The following PFDN1 variants were observed in gnomAD, a reference collection of about 807,000 sequenced individuals.
The protein encoded by PFDN1 is prefoldin subunit 1, also known as prefoldin 1.
In PFDN1, 6 loss-of-function variants were observed where a neutral mutation model predicts 17.3. That is an observed-to-expected ratio of 0.35 (90% confidence interval 0.19 to 0.69). The LOEUF (loss-of-function observed/expected upper bound fraction) is 0.69, where lower values mean the gene tolerates loss of function less well. Among genes scored for constraint, PFDN1 ranks in the 30% least tolerant of loss-of-function variants. The probability of loss-of-function intolerance (pLI) is 0.65; values close to 1 mark genes in which losing one functional copy is unlikely to be tolerated. For synonymous variants in PFDN1, 58 were observed against 50.1 expected (o/e 1.16, Z -0.67); for missense variants, 113 against 146.2 (o/e 0.77, Z 1.17).
chr5:140,267,669 T>G (rs1765152829), intron 3 of PFDN1, among the ~76,000 whole-genome samples: 1 of 152,186 alleles, frequency 6.6e-6, no homozygotes, highest in South Asian at 2.1e-4. Flanking sequence ...TATTTGTTAT[T>G]TTTAGCAATT....
chr5:140,295,003 A>T (rs1457355467), intron 2 of PFDN1, among the ~76,000 whole-genome samples: 1 of 152,040 alleles, frequency 6.6e-6, no homozygotes, highest in African/African-American at 2.4e-5. Flanking sequence ...AGTTAGGTTC[A>T]AGTTTTAAAA....
intron 1 of PFDN1, among the ~76,000 whole-genome samples, 155 bp downstream of exon 1, chr5:140,302,886 G>T (rs77999342): frequency 6.6e-5 from 10 of 152,210 alleles, no homozygotes; most frequent in Non-Finnish European, 1.3e-4. Context: ...CCCGTTTATG[G>T]AGACCCAGTG....
intron 3 of PFDN1, among the ~76,000 whole-genome samples, chr5:140,253,092 G>T (rs930255984): frequency 6.6e-6 from 1 of 152,210 alleles, no homozygotes; most frequent in East Asian, 1.9e-4. Context: ...CATGGAGCAG[G>T]AGAATAAAGA....
At chr5:140,272,059 G>A (rs1459284998) in intron 3 of PFDN1, among the ~76,000 whole-genome samples, 1 of 151,446 alleles carries the variant, frequency 6.6e-6, no homozygotes, top group Non-Finnish European at 1.5e-5. Context: ...TCACTGTGAC[G>A]CCCAGGCCGG....
intron 3 of PFDN1, among the ~76,000 whole-genome samples, chr5:140,280,017 AAAAAG>A (rs1463540470): frequency 2.7e-5 from 4 of 145,626 alleles, no homozygotes; most frequent in East Asian, 3.9e-4. Context: ...AAAAAAACAA[AAAAAG>A]AAAAGAAAAG....
At chr5:140,280,998 T>G (rs1188913242) in intron 3 of PFDN1, 2 of 153,992 alleles carry the variant, frequency 1.3e-5, no homozygotes, top group African/African-American at 4.8e-5. Context: ...TGTCCTTATA[T>G]AGAACCTAAT....
intron 3 of PFDN1, among the ~76,000 whole-genome samples, chr5:140,278,587 A>AAAAAAAAAAAAAAAAAAAAC: frequency 7.6e-6 from 1 of 131,784 alleles, no homozygotes; most frequent in Non-Finnish European, 1.6e-5. Flanking sequence ...AAAAAAAAAA[A>AAAAAAAAAAAAAAAAAAAAC]CAAAAAACAA....
chr5:140,248,821 G>T (rs996465088), intron 3 of PFDN1, among the ~76,000 whole-genome samples: 11 of 152,160 alleles, frequency 7.2e-5, no homozygotes, highest in Non-Finnish European at 1.3e-4. Context: ...TCCAAACAAT[G>T]ATGCAAATTA....
intron 3 of PFDN1, among the ~76,000 whole-genome samples, chr5:140,248,802 C>G (rs539597734): frequency 6.6e-6 from 1 of 152,176 alleles, no homozygotes; most frequent in African/African-American, 2.4e-5. Context: ...ATCCTAAAGT[C>G]TTCAGGTTTC....
At chr5:140,248,568 T>C (rs1764865650) in intron 3 of PFDN1, among the ~76,000 whole-genome samples, 1 of 152,196 alleles carries the variant, frequency 6.6e-6, no homozygotes, top group Admixed American at 6.5e-5. Flanking sequence ...CTTCTCCTCC[T>C]ACAAAAGTCC....
Position 140,245,367 on chromosome 5 carries a change from A to C in PFDN1, c.*607T>G, listed in dbSNP as rs1764813970. 3.0e-6 allele frequency: 2 copies of C among 677,504 alleles called. No individual in the cohort carries two copies. The highest frequency in any genetic ancestry group is 2.5e-4 in the Middle Eastern group (1 of 3,934). 42.0% of individuals were successfully genotyped at this position (677,504 alleles called of 1,614,324 possible). ...GGAGAAGGCAGGGAAAGGAATCTTT[A>C]GGCAGACTGCCATCCAGGGACTGCT... On this transcript the variant is annotated 3_prime_UTR_variant, in exon 4 of 4. Coordinates refer to ENST00000261813, the MANE Select transcript of PFDN1 (RefSeq NM_002622.5).
intron 3 of PFDN1, among the ~76,000 whole-genome samples, chr5:140,277,600 T>C (rs957321906): frequency 6.6e-6 from 1 of 151,918 alleles, no homozygotes; most frequent in African/African-American, 2.4e-5. Context: ...CGTGGTAGCA[T>C]GCCTGTGGTC....
intron 3 of PFDN1, among the ~76,000 whole-genome samples, chr5:140,259,937 C>T (rs760854874): frequency 6.6e-6 from 1 of 152,124 alleles, no homozygotes; most frequent in African/African-American, 2.4e-5. Flanking sequence ...TCAAAGAAGA[C>T]GTATTATTGG....
intron 3 of PFDN1, among the ~76,000 whole-genome samples, chr5:140,247,871 A>G (rs575470287): frequency 6.6e-6 from 1 of 151,658 alleles, no homozygotes; most frequent in African/African-American, 2.4e-5. Context: ...CGGAGGCTGC[A>G]GTGAGCCAAG....
At position 140,290,651 on chromosome 5, in the gene PFDN1, C is replaced by T. The variant is rs1010054591; in HGVS notation, c.201-9118G>A. On this transcript the variant is annotated intron_variant, in intron 2 of 3. Coordinates refer to ENST00000261813, the MANE Select transcript of PFDN1 (RefSeq NM_002622.5). Reference sequence around the variant, plus strand: ...AATCACATTAGCAGCAGCCTGGAGCCAGGATTAAGGAAGGAGAGGATTCAG... The same window carrying T: ...AATCACATTAGCAGCAGCCTGGAGCTAGGATTAAGGAAGGAGAGGATTCAG... Among the ~76,000 whole-genome samples the T allele has an allele frequency of 2.0e-5, 3 of 152,078 alleles. No individual in the cohort carries two copies. In the East Asian group the frequency reaches 5.8e-4, roughly 29 times the overall value.
chr5:140,263,759 T>C (rs575207291), intron 3 of PFDN1, among the ~76,000 whole-genome samples: 2 of 152,084 alleles, frequency 1.3e-5, no homozygotes, highest in East Asian at 3.9e-4. Flanking sequence ...TGGTGGCTCA[T>C]GCCTGTAATC....
At chr5:140,275,424 A>AT (rs1765275904) in intron 3 of PFDN1, among the ~76,000 whole-genome samples, 1 of 150,698 alleles carries the variant, frequency 6.6e-6, no homozygotes, top group South Asian at 2.1e-4. Context: ...AAAAAAAAAA[A>AT]GACAGTGCTT....
Position 140,300,453 on chromosome 5 carries a change from C to G in PFDN1, c.163G>C (p.Val55Leu). The G allele has an allele frequency of 6.2e-7, 1 of 1,611,272 alleles. No individual in the cohort carries two copies. The highest frequency in any genetic ancestry group is 8.5e-7 in the Non-Finnish European group (1 of 1,177,686). The change falls in exon 2 of 4, where the codon GTA becomes CTA. Residue 55 changes from valine (V) to leucine (L), a missense_variant. Coordinates refer to ENST00000261813, the MANE Select transcript of PFDN1 (RefSeq NM_002622.5). ...HLTDTEIMTLVDETNMYEGVG... is the reference protein window; with the variant it reads ...HLTDTEIMTLLDETNMYEGVG... ...CCTTCATACATGTTAGTCTCATCTA[C>G]CAAAGTCATGATCTCTGTATCTGTA...
intron 3 of PFDN1, among the ~76,000 whole-genome samples, chr5:140,248,229 G>A (rs1430353276): frequency 1.3e-5 from 2 of 151,964 alleles, no homozygotes; most frequent in South Asian, 2.1e-4. Context: ...CCACCACGCT[G>A]GCTAATTTTT....
Sources: allele counts gnomAD v4.1 joint callset (sites outside exome capture counted in the v4.1 genomes callset), GRCh38; gene constraint gnomAD v4.1.1; transcripts MANE v1.5; gene names NCBI Gene and HGNC (gene_info 2026-07-23, HGNC 2026-07-21).